The following BRWD1 variants were observed in gnomAD, a reference collection of about 807,000 sequenced individuals.
The protein encoded by BRWD1 is bromodomain and WD repeat domain containing 1, also known as bromodomain and WD repeat-containing protein 1.
Under a neutral mutation model 251.2 loss-of-function variants are expected in BRWD1, and 82 were observed. The ratio of observed to expected loss-of-function variants is 0.33; its 90% confidence interval spans 0.27 to 0.39. The LOEUF (loss-of-function observed/expected upper bound fraction) is 0.39. Ranked by LOEUF, BRWD1 falls within the 10% of genes least tolerant of loss-of-function variation. The pLI, the probability that BRWD1 is intolerant of heterozygous loss-of-function variation, is 1.00. For missense variants in BRWD1, 2,233 were observed against 2,711.6 expected (o/e 0.82, Z 3.92); for synonymous variants, 918 against 902.8 (o/e 1.02, Z -0.30).
intron 4 of BRWD1, among the ~76,000 whole-genome samples, chr21:39,309,154 CAG>C (rs35626872): frequency 2.1e-3 from 323 of 150,362 alleles, no homozygotes; most frequent in Non-Finnish European, 3.2e-3. Flanking sequence ...AGCCTGGCGA[CAG>C]AGTGAGACTC....
intron 29 of BRWD1, chr21:39,219,945 AC>A (rs2033107041): frequency 6.6e-6 from 1 of 152,224 alleles, no homozygotes; most frequent in East Asian, 1.9e-4. Flanking sequence ...GTATTTTTAT[AC>A]TGTAATTCAG....
At chr21:39,316,246 ATGAAGT>A (rs2036697315), upstream of BRWD1, among the ~76,000 whole-genome samples, 20 of 152,306 alleles carry the variant, frequency 1.3e-4, 1 homozygote, top group South Asian at 4.1e-3. Flanking sequence ...AATCTGCAAG[ATGAAGT>A]TGGGGTGAAA....
chr21:39,189,321 T>G lies in BRWD1; in HGVS notation c.*6938A>C, dbSNP rs539408068. ...CAAATAGATAAAATTCTATTTCAAC[T>G]ACAATTTGTAACAAAATGCTTTAAG... On this transcript the variant is annotated 3_prime_UTR_variant, in exon 41 of 41. Transcript: ENST00000342449. The G allele has an allele frequency of 4.1e-6, 4 of 985,248 alleles. No individual in the cohort carries two copies. The East Asian group carries it at 3.4e-4, about 84-fold the overall frequency. The allele number at this position is 985,248 out of a possible 1,614,324, so 61.0% of individuals were successfully genotyped here.
intron 13 of BRWD1, among the ~76,000 whole-genome samples, chr21:39,272,060 T>A (rs1262984056): frequency 2.0e-5 from 3 of 147,870 alleles, no homozygotes; most frequent in Non-Finnish European, 4.5e-5. Flanking sequence ...CAGCTATCTA[T>A]GTAATTACAA....
chr21:39,221,389 A>C (rs1410900800), intron 29 of BRWD1, among the ~76,000 whole-genome samples: 1 of 152,212 alleles, frequency 6.6e-6, no homozygotes, highest in East Asian at 1.9e-4. Context: ...CAAAGCAATA[A>C]TAACTAATAT....
At chr21:39,214,641 A>G (rs1357483801) in intron 32 of BRWD1, among the ~76,000 whole-genome samples, 2 of 152,018 alleles carry the variant, frequency 1.3e-5, no homozygotes, top group Non-Finnish European at 2.9e-5. Flanking sequence ...TTTTTTTTTA[A>G]CATTTCATAA....
intron 8 of BRWD1, among the ~76,000 whole-genome samples, chr21:39,284,435 A>G (rs2035566809): frequency 6.6e-6 from 1 of 152,190 alleles, no homozygotes; most frequent in Non-Finnish European, 1.5e-5. Flanking sequence ...CTATGATTAC[A>G]CCACTGCACT....
chr21:39,271,696 CAAAAAAAAAA>C (rs34900726), intron 13 of BRWD1, among the ~76,000 whole-genome samples: 5 of 59,842 alleles, frequency 8.4e-5, no homozygotes, highest in African/African-American at 2.8e-4. Context: ...GACTCCGTCT[CAAAAAAAAAA>C]AAAAAAAAAA....
At chr21:39,291,599 A>G (rs2035808818) in intron 8 of BRWD1, among the ~76,000 whole-genome samples, 1 of 152,214 alleles carries the variant, frequency 6.6e-6, no homozygotes, top group South Asian at 2.1e-4. Context: ...TAAAACAAGC[A>G]GCATTCCACC....
chr21:39,312,876 C>G lies in BRWD1; in HGVS notation c.163G>C (p.Glu55Gln), dbSNP rs2036541763. The G allele has an allele frequency of 6.4e-7, 1 of 1,569,268 alleles. No individual in the cohort carries two copies. Among genetic ancestry groups the G allele is most frequent in the South Asian group, 1.1e-5 (1 of 88,852 alleles). Reference sequence around the variant, plus strand: ...TAGCTCCTGTTGTGCTCGTTGCCCTCCCAGTCCAATCTCTTCGGCAACAAC... The same window carrying G: ...TAGCTCCTGTTGTGCTCGTTGCCCTGCCAGTCCAATCTCTTCGGCAACAAC... ...YQLLPKRLDW[E>Q]GNEHNRSYEE... The change falls in exon 4 of 41, where the codon GAG becomes CAG. Residue 55 changes from glutamate to glutamine, a missense_variant. Glu to Gln is a conservative substitution (Grantham distance 29). This residue lies in a region of BRWD1 where 101 missense variants were observed against 95.6 expected (regional missense o/e 1.06). Transcript: ENST00000342449.
chr21:39,211,545 A>G (rs1180305149), intron 34 of BRWD1, among the ~76,000 whole-genome samples: 3 of 152,198 alleles, frequency 2.0e-5, no homozygotes, highest in Admixed American at 2.0e-4. Flanking sequence ...TAGAAGCTGG[A>G]AAATGCACAT....
At chr21:39,260,668 CTG>C (rs1214147571) in intron 17 of BRWD1, among the ~76,000 whole-genome samples, 1 of 152,166 alleles carries the variant, frequency 6.6e-6, no homozygotes, top group African/African-American at 2.4e-5. Flanking sequence ...CAGCACAAAA[CTG>C]TGATCCCTGA....
intron 4 of BRWD1, among the ~76,000 whole-genome samples, chr21:39,308,644 CCA>C (rs940321272): frequency 9.9e-5 from 15 of 152,148 alleles, no homozygotes; most frequent in South Asian, 2.1e-4. Flanking sequence ...TCCAGTCCCA[CCA>C]CAAAGATTCT....
intron 12 of BRWD1, among the ~76,000 whole-genome samples, chr21:39,274,977 T>C (rs2035234650): frequency 6.6e-6 from 1 of 151,626 alleles, no homozygotes; most frequent in Non-Finnish European, 1.5e-5. Context: ...GAGGGGGAGG[T>C]TGCAGTGCAG....
chr21:39,200,495 A>T (rs972275293), intron 38 of BRWD1, 109 bp from the exon 39 acceptor site: 3 of 889,222 alleles, frequency 3.4e-6, no homozygotes, highest in Non-Finnish European at 4.7e-6. Flanking sequence ...CTACAAAAGC[A>T]GATTCCTAAA....
At chr21:39,272,744 AT>A (rs2035159084) in intron 13 of BRWD1, among the ~76,000 whole-genome samples, 1 of 150,976 alleles carries the variant, frequency 6.6e-6, no homozygotes, top group East Asian at 2.0e-4. Flanking sequence ...AGTAGCTGGG[AT>A]TACAGGCGCA....
chr21:39,206,464 C>A (rs1313158406), intron 36 of BRWD1, among the ~76,000 whole-genome samples, 190 bp from the exon 37 acceptor site: 1 of 151,848 alleles, frequency 6.6e-6, no homozygotes, highest in Non-Finnish European at 1.5e-5. Flanking sequence ...AAATACATAC[C>A]TCTCAGATGA....
chr21:39,281,428 C>T (rs1008953868), intron 8 of BRWD1, among the ~76,000 whole-genome samples: 2 of 152,140 alleles, frequency 1.3e-5, no homozygotes, highest in African/African-American at 2.4e-5. Flanking sequence ...AGTGCTGTGG[C>T]TCATGCCTGT....
At chr21:39,212,797 G>T in intron 33 of BRWD1, 90 bp from the exon 34 acceptor site, 1 of 903,696 alleles carries the variant, frequency 1.1e-6, no homozygotes, top group Non-Finnish European at 1.7e-6. Flanking sequence ...AAAGACATTT[G>T]GTATTACCAG....
Sources: allele counts gnomAD v4.1 joint callset (sites outside exome capture counted in the v4.1 genomes callset), GRCh38; gene constraint gnomAD v4.1.1; regional missense constraint gnomAD v4.1.1; transcripts MANE v1.5; gene names NCBI Gene and HGNC (gene_info 2026-07-23, HGNC 2026-07-21).